Variants in LONP2 observed in about 807,000 individuals in gnomAD.
The protein encoded by LONP2 is lon protease homolog 2, peroxisomal.
Under a neutral mutation model 85.6 loss-of-function variants are expected in LONP2, and 60 were observed. The ratio of observed to expected loss-of-function variants is 0.70; its 90% CI spans 0.57 to 0.87. LONP2 has a LOEUF of 0.87. Ranked by LOEUF, LONP2 falls within the 40% of genes least tolerant of loss-of-function variation. The pLI, the probability that LONP2 is intolerant of heterozygous loss-of-function variation, is 0.00. For synonymous variants in LONP2, 395 were observed against 389.7 expected (o/e 1.01, Z -0.16); for missense variants, 860 against 1,063.5 (o/e 0.81, Z 2.66).
At chr16:48,275,991 A>G (rs1446485769) in intron 7 of LONP2, among the ~76,000 whole-genome samples, 1 of 152,232 alleles carries the variant, frequency 6.6e-6, no homozygotes, top group Non-Finnish European at 1.5e-5. Flanking sequence ...AAATAACTGC[A>G]GCAAAAAATG....
At chr16:48,275,683 G>T (rs976326075) in intron 7 of LONP2, among the ~76,000 whole-genome samples, 5 of 152,156 alleles carry the variant, frequency 3.3e-5, no homozygotes, top group Non-Finnish European at 7.3e-5. Context: ...GGGCGTAATA[G>T]TATCTTGATT....
chr16:48,269,866 A>T, intron 6 of LONP2, 150 bp from the exon 7 acceptor site: 1 of 759,096 alleles, frequency 1.3e-6, no homozygotes, highest in Non-Finnish European at 2.0e-6. Flanking sequence ...CCAAATGCAG[A>T]TCTCCTAGAA....
chr16:48,281,556 ATATATGT>A (rs1440657704), intron 8 of LONP2, among the ~76,000 whole-genome samples: 1 of 152,190 alleles, frequency 6.6e-6, no homozygotes, highest in African/African-American at 2.4e-5. Flanking sequence ...TTCTTACCAG[ATATATGT>A]TATATTTATA....
chr16:48,348,540 G>A (rs1330118652), intron 14 of LONP2, among the ~76,000 whole-genome samples: 1 of 143,966 alleles, frequency 6.9e-6, no homozygotes, highest in Non-Finnish European at 1.5e-5. Flanking sequence ...TGTTGCCCAG[G>A]CTGGAGTGCA....
Position 48,244,463 on chromosome 16 carries a change from CG to C in LONP2, c.77del (p.Gly26AlafsTer22). On this transcript the variant is annotated frameshift_variant, in exon 1 of 15. Transcript: ENST00000285737. LOFTEE classifies it high-confidence loss of function. ...TCACCCACGAGGGCGTCCTGCTGCC[CG>C]GCTCCACCATGCGCACCAGCGTGGA... ...LLTHEGVLLP[G>X]STMRTSVDSA... 2 of 1,596,816 alleles carry C rather than the reference CG, an allele frequency of 1.3e-6. No individual in the cohort carries two copies. The highest frequency in any genetic ancestry group is 1.7e-6 in the Non-Finnish European group (2 of 1,175,840).
chr16:48,257,102 A>C (rs1171621236), intron 3 of LONP2, among the ~76,000 whole-genome samples: 1 of 152,180 alleles, frequency 6.6e-6, no homozygotes, highest in East Asian at 1.9e-4. Context: ...GCTTGAGATC[A>C]GGAGTTCGAG....
Position 48,244,452 on chromosome 16 carries a change from G to C in LONP2, c.64G>C (p.Val22Leu). The C allele has an allele frequency of 6.3e-7, 1 of 1,595,378 alleles. No individual in the cohort carries two copies. Among genetic ancestry groups the C allele is most frequent in the Non-Finnish European group, 8.5e-7 (1 of 1,175,304 alleles). The change falls in exon 1 of 15, where the codon GTC (valine) becomes CTC (leucine). Residue 22 changes from valine (V) to leucine (L), a missense_variant. This residue lies in a region of LONP2 where 743 missense variants were observed against 917.3 expected (regional missense o/e 0.81). Transcript: ENST00000285737. The part of the protein sequence containing the change: ...RLPLLLTHEG[V>L]LLPGSTMRTS... ...CCCGCTGCTGCTCACCCACGAGGGC[G>C]TCCTGCTGCCCGGCTCCACCATGCG...
intron 12 of LONP2, chr16:48,344,329 T>C (rs1206252411): frequency 2.6e-5 from 4 of 152,222 alleles, no homozygotes; most frequent in African/African-American, 9.6e-5. Flanking sequence ...CTGTTAGCCT[T>C]GATCACAGAG....
chr16:48,274,273 CTG>C (rs1167908328), intron 7 of LONP2, among the ~76,000 whole-genome samples: 5 of 152,122 alleles, frequency 3.3e-5, no homozygotes, highest in African/African-American at 7.2e-5. Flanking sequence ...TACCATACAA[CTG>C]TGGAGATGAA....
chr16:48,359,255 C>A (rs1388100889), downstream of LONP2, among the ~76,000 whole-genome samples: 1 of 152,162 alleles, frequency 6.6e-6, no homozygotes, highest in Admixed American at 6.5e-5. Context: ...TGAGCCACAG[C>A]GTCCAGCCAC....
chr16:48,309,345 A>G (rs1453794011), intron 11 of LONP2, among the ~76,000 whole-genome samples: 2 of 152,202 alleles, frequency 1.3e-5, no homozygotes, highest in African/African-American at 2.4e-5. Context: ...ACCTGCACAC[A>G]TATGTTCGTT....
chr16:48,310,855 G>A (rs1385220376), intron 11 of LONP2, among the ~76,000 whole-genome samples: 2 of 152,144 alleles, frequency 1.3e-5, no homozygotes, highest in African/African-American at 4.8e-5. Context: ...GACCAATCAA[G>A]TGGTGATGAA....
Position 48,348,188 on chromosome 16 carries a change from A to T in LONP2, c.2235A>T (p.Gly745=). 1 of 1,613,508 alleles carries T rather than the reference A, an allele frequency of 6.2e-7. No individual in the cohort carries two copies. Among genetic ancestry groups the T allele is most frequent in the Non-Finnish European group, 8.5e-7 (1 of 1,179,892 alleles). Residue 745 remains glycine (G), a synonymous_variant, in exon 14 of 15, where the codon GGA becomes GGT. Coordinates refer to ENST00000285737, the MANE Select transcript of LONP2 (RefSeq NM_031490.5). ...GAVTKDGPSA[G]VTIVTCLASL... ...TCACAAAAGATGGACCATCTGCTGG[A>T]GTTACCATAGTAACCTGTCTCGCCT...
intron 12 of LONP2, 77 bp from the exon 13 acceptor site, chr16:48,347,430 G>A (rs994079015): frequency 1.0e-5 from 15 of 1,428,688 alleles, no homozygotes; most frequent in East Asian, 2.3e-5. Flanking sequence ...GGAGTCAGCC[G>A]ACTCTTGCAG....
Position 48,262,789 on chromosome 16 carries a change from T to C in LONP2, c.899T>C (p.Met300Thr). The stretch of plus-strand genomic sequence containing the variant: ...TTCTTTCTCCACAGACTCAAAAAAA[T>C]GCCTCAGTCAATGCCAGAATATGCT... ...CVKEIKRLKK[M>T]PQSMPEYALT... Residue 300 changes from methionine (M) to threonine (T), a missense_variant, in exon 6 of 15, where the codon ATG (methionine) becomes ACG (threonine). By Grantham distance (81) the Met-to-Thr change is moderately conservative. Transcript: ENST00000285737. The C allele has an allele frequency of 6.2e-7, 1 of 1,608,056 alleles. No individual in the cohort carries two copies.
chr16:48,334,535 G>T, intron 12 of LONP2, 177 bp downstream of exon 12: 1 of 750,672 alleles, frequency 1.3e-6, no homozygotes, highest in Non-Finnish European at 2.3e-6. Context: ...GCAGTTGACT[G>T]CATGGGGGCG....
intron 9 of LONP2, among the ~76,000 whole-genome samples, 165 bp from the exon 10 acceptor site, chr16:48,299,497 A>T (rs1443533927): frequency 6.6e-6 from 1 of 151,810 alleles, no homozygotes; most frequent in African/African-American, 2.4e-5. Context: ...CAGGAGAATC[A>T]CTTGAACCTG....
At chr16:48,359,110 C>T (rs572395351), downstream of LONP2, among the ~76,000 whole-genome samples, 1 of 152,202 alleles carries the variant, frequency 6.6e-6, no homozygotes, top group East Asian at 1.9e-4. Context: ...GCCTCAGCTT[C>T]CCTAATAGGG....
chr16:48,329,274 C>T (rs564284254), intron 11 of LONP2, among the ~76,000 whole-genome samples: 2 of 152,230 alleles, frequency 1.3e-5, no homozygotes, highest in African/African-American at 4.8e-5. Context: ...TTAAATTGTG[C>T]ACTATTCTGG....
Sources: gnomAD v4.1 joint callset for allele counts (sites outside exome capture counted in the v4.1 genomes callset) on GRCh38, gnomAD v4.1.1 for gene constraint, gnomAD v4.1.1 regional missense constraint, MANE v1.5 for transcripts, NCBI Gene and HGNC (gene_info 2026-07-23, HGNC 2026-07-21) for gene names.